SAMD12: variants seen among roughly 807,000 people sequenced by gnomAD.
The protein encoded by SAMD12 is sterile alpha motif domain containing 12.
SAMD12 carries 9 observed loss-of-function variants against 15.0 expected under a neutral mutation model. The observed-to-expected ratio is 0.60, with a 90% CI of 0.36 to 1.05. The LOEUF is 1.05. Ranked by LOEUF, SAMD12 falls within the 50% of genes least tolerant of loss-of-function variation. SAMD12 has a pLI of 0.01. For synonymous variants in SAMD12, 86 were observed against 90.1 expected (o/e 0.96, Z 0.25); for missense variants, 230 against 234.2 (o/e 0.98, Z 0.12).
At chr8:118,393,968 A>G (rs1345030811) in intron 3 of SAMD12, among the ~76,000 whole-genome samples, 1 of 152,194 alleles carries the variant, frequency 6.6e-6, no homozygotes, top group African/African-American at 2.4e-5. Flanking sequence ...GTTTAAATTC[A>G]GGGGCTTCAT....
chr8:118,619,715 G>C (rs1411802076), intron 1 of SAMD12, among the ~76,000 whole-genome samples: 1 of 152,128 alleles, frequency 6.6e-6, no homozygotes, highest in Admixed American at 6.5e-5. Context: ...AGTCTAGTAA[G>C]AGGCAGATTA....
intron 3 of SAMD12, among the ~76,000 whole-genome samples, chr8:118,392,399 C>T (rs113248037): frequency 1.4e-4 from 21 of 152,342 alleles, no homozygotes; most frequent in Middle Eastern, 3.4e-3. Context: ...CCACTGCACT[C>T]CAGCCTGGCG....
chr8:118,532,364 T>A (rs1356738942), intron 2 of SAMD12, among the ~76,000 whole-genome samples: 1 of 150,968 alleles, frequency 6.6e-6, no homozygotes, highest in Non-Finnish European at 1.5e-5. Context: ...GATTTTTGTA[T>A]CAATGTTCAT....
intron 4 of SAMD12, among the ~76,000 whole-genome samples, chr8:118,360,090 G>A (rs988876355): frequency 1.3e-5 from 2 of 152,194 alleles, no homozygotes; most frequent in Non-Finnish European, 1.5e-5. Flanking sequence ...CACCTGGGCA[G>A]TGGTCATCTT....
At chr8:118,603,803 G>A (rs540132235) in intron 1 of SAMD12, among the ~76,000 whole-genome samples, 1 of 152,188 alleles carries the variant, frequency 6.6e-6, no homozygotes, top group African/African-American at 2.4e-5. Flanking sequence ...TTGGTGGGGG[G>A]AATTTCTTCA....
In SAMD12 at chr8:118,378,247, C is replaced by A. The variant is rs186775320; in HGVS notation, c.*1170G>T. ...AAGCAGAATTACTTGATTCTTTTCA[C>A]ATTGCTGGACCTCTAGGTTGCTTGT... On this transcript the variant is annotated 3_prime_UTR_variant, in exon 4 of 4. Coordinates refer to ENST00000314727, the MANE Select transcript of SAMD12 (RefSeq NM_207506.3). 3.8e-5 allele frequency: 8 copies of A among 209,068 alleles called. No individual in the cohort carries two copies. The Admixed American group carries it at 5.2e-4, about 14-fold the overall frequency. The allele number at this position is 209,068 out of a possible 1,614,324, so 13.0% of individuals were successfully genotyped here. A position where few individuals can be genotyped will look rare whatever the true frequency, so the allele number is the denominator to read the frequency against.
At chr8:118,476,340 A>C (rs1045293688) in intron 2 of SAMD12, among the ~76,000 whole-genome samples, 1 of 152,216 alleles carries the variant, frequency 6.6e-6, no homozygotes, top group African/African-American at 2.4e-5. Flanking sequence ...GACAGAGGAC[A>C]GGAGTAATGT....
intron 4 of SAMD12, among the ~76,000 whole-genome samples, chr8:118,344,208 C>CT (rs1817513961): frequency 6.6e-6 from 1 of 152,164 alleles, no homozygotes; most frequent in Admixed American, 6.5e-5. Flanking sequence ...CTCCCCCTAT[C>CT]CTGCTCAGGT....
chr8:118,402,752 CAG>C (rs1359698875), intron 3 of SAMD12, among the ~76,000 whole-genome samples: 8 of 152,324 alleles, frequency 5.3e-5, no homozygotes, highest in Non-Finnish European at 1.5e-5. Flanking sequence ...CATGAAAGAA[CAG>C]ACGCTGGCAT....
the SAMD12 span, among the ~76,000 whole-genome samples, chr8:118,179,759 A>G: frequency 1.3e-5 from 2 of 152,200 alleles, no homozygotes; most frequent in Non-Finnish European, 1.5e-5. Flanking sequence ...GCGGTTTACT[A>G]TCTGACTTAT....
intron 1 of SAMD12, among the ~76,000 whole-genome samples, chr8:118,615,398 G>A (rs1007407453): frequency 3.3e-5 from 5 of 152,108 alleles, no homozygotes; most frequent in Non-Finnish European, 7.3e-5. Context: ...AGTGGAGGCT[G>A]CAGGGGAGGG....
At chr8:118,371,610 A>G (rs1819100457) in intron 4 of SAMD12, among the ~76,000 whole-genome samples, 1 of 152,180 alleles carries the variant, frequency 6.6e-6, no homozygotes, top group Admixed American at 6.6e-5. Flanking sequence ...GAGGAAGAAC[A>G]GACTCGGGAG....
chr8:118,510,556 A>G (rs1479768851), intron 2 of SAMD12, among the ~76,000 whole-genome samples: 1 of 152,184 alleles, frequency 6.6e-6, no homozygotes, highest in Non-Finnish European at 1.5e-5. Flanking sequence ...CAATTCCAGG[A>G]GGAGCCACTC....
chr8:118,341,924 G>A (rs2450323), intron 4 of SAMD12, among the ~76,000 whole-genome samples: 106,298 of 152,214 alleles, frequency 0.7, 38,100 homozygotes, highest in African/African-American at 0.86. Context: ...GCAGACATGC[G>A]TATTCACAGA....
intron 4 of SAMD12, chr8:118,288,497 T>A (rs1392306884): frequency 6.6e-6 from 1 of 152,218 alleles, no homozygotes; most frequent in Non-Finnish European, 1.5e-5. Flanking sequence ...AGACTAGAAA[T>A]CTAAGGCAGC....
intron 2 of SAMD12, among the ~76,000 whole-genome samples, chr8:118,544,877 C>T (rs1397129956): frequency 6.6e-6 from 1 of 152,178 alleles, no homozygotes; most frequent in Admixed American, 6.5e-5. Flanking sequence ...TTCTATGTGC[C>T]AGGCATTGTG....
chr8:118,510,739 T>C (rs551435543), intron 2 of SAMD12, among the ~76,000 whole-genome samples: 1 of 152,328 alleles, frequency 6.6e-6, no homozygotes, highest in Admixed American at 6.5e-5. Context: ...AGTACCTCTC[T>C]ACCCCCTCAA....
At chr8:118,492,798 T>C (rs773630194) in intron 2 of SAMD12, among the ~76,000 whole-genome samples, 2 of 152,198 alleles carry the variant, frequency 1.3e-5, no homozygotes, top group Non-Finnish European at 2.9e-5. Flanking sequence ...ATGTTCAAAT[T>C]ACGATATATA....
chr8:118,359,960 A>G (rs149643914), intron 4 of SAMD12, among the ~76,000 whole-genome samples: 5 of 152,302 alleles, frequency 3.3e-5, no homozygotes, highest in African/African-American at 7.2e-5. Context: ...ATAGCATATA[A>G]TAAGTGTTCA....
Sources: gnomAD v4.1 joint callset for allele counts (sites outside exome capture counted in the v4.1 genomes callset) on GRCh38, gnomAD v4.1.1 for gene constraint, MANE v1.5 for transcripts, NCBI Gene and HGNC (gene_info 2026-07-23, HGNC 2026-07-21) for gene names.